Variants in KLHL26 observed in about 807,000 individuals in gnomAD.
The protein encoded by KLHL26 is kelch like family member 26.
KLHL26 carries 4 observed loss-of-function variants against 7.1 expected under a neutral mutation model. The ratio of observed to expected loss-of-function variants is 0.56; its 90% confidence interval spans 0.28 to 1.28. The LOEUF is 1.28. KLHL26 is among the 50% of genes most tolerant of loss of function. The pLI, the probability that KLHL26 is intolerant of heterozygous loss-of-function variation, is 0.11. For missense variants in KLHL26, 896 were observed against 924.6 expected (o/e 0.97, Z 0.40); for synonymous variants, 465 against 414.1 (o/e 1.12, Z -1.49).
At position 18,650,038 on chromosome 19, in the gene KLHL26, G is replaced by A. The variant is rs1001821051; in HGVS notation, c.83+12901G>A. 6.6e-6 allele frequency among the ~76,000 whole-genome samples: 1 copy of A among 152,224 alleles called. No homozygotes were observed. The highest frequency in any genetic ancestry group is 2.1e-4 in the South Asian group (1 of 4,836). On this transcript the variant is annotated intron_variant, in intron 1 of 2. Coordinates refer to ENST00000300976, the MANE Select transcript of KLHL26 (RefSeq NM_018316.3). The surrounding 1 kb of genome is among the most constrained non-coding windows in gnomAD (Gnocchi z 4.2). ...CTTTCCTGCGAGGGCAAGGGCTTCC[G>A]GAATTGAACAGGCTGGGCCTGGAGG...
intron 2 of KLHL26, 143 bp downstream of exon 2, chr19:18,664,586 C>CT (rs796201839): frequency 0.095 from 42,544 of 447,236 alleles, 2 homozygotes; most frequent in East Asian, 0.12. Flanking sequence ...ACCGGCTGCT[C>CT]TTTTTTTTTT....
At chr19:18,652,205 G>A (rs1427288413) in intron 1 of KLHL26, among the ~76,000 whole-genome samples, 1 of 152,100 alleles carries the variant, frequency 6.6e-6, no homozygotes, top group African/African-American at 2.4e-5. Context: ...CCCACTGAGG[G>A]CTTCGCGGTG....
chr19:18,646,982 G>A lies in KLHL26; in HGVS notation c.83+9845G>A, dbSNP rs1009242585. ...GGGGGCAGGGGCGGCGGGGGGTGGC[G>A]CGTCTCAGCAGGGATGGGGGCAGGT... is the stretch of plus-strand genomic sequence containing the variant. On this transcript the variant is annotated intron_variant, in intron 1 of 2. Transcript: ENST00000300976. This position sits in a 1 kb window ranked among gnomAD's most constrained non-coding sequence, Gnocchi z 5.0. Among the ~76,000 whole-genome samples, 19 of 151,730 alleles carry A rather than the reference G, an allele frequency of 1.3e-4. No homozygotes were observed. Among genetic ancestry groups the A allele is most frequent in the Admixed American group, 1.1e-3 (17 of 15,276 alleles).
At position 18,668,357 on chromosome 19, in the gene KLHL26, C is replaced by T. The variant is rs754258314; in HGVS notation, c.960C>T (p.Thr320=). The T allele has an allele frequency of 1.4e-5, 23 of 1,607,538 alleles. No individual in the cohort carries two copies. The East Asian group carries it at 2.0e-4, about 14-fold the overall frequency. ...SLVTFGGTPY[T]DSDRSVSSKV... ...TCACCTTCGGCGGCACGCCCTACAC[C>T]GACAGCGACCGCTCGGTCAGCAGCA... The change falls in exon 3 of 3, where the codon ACC becomes ACT. Residue 320 remains threonine, a synonymous_variant. Coordinates refer to ENST00000300976, the MANE Select transcript of KLHL26 (RefSeq NM_018316.3).
rs895500638 is a variant in KLHL26 at position 18,649,936 on chromosome 19, G to A, written c.83+12799G>A. 2.0e-5 allele frequency among the ~76,000 whole-genome samples: 3 copies of A among 152,228 alleles called. No individual in the cohort carries two copies. Among genetic ancestry groups the A allele is most frequent in the African/African-American group, 7.2e-5 (3 of 41,450 alleles). On this transcript the variant is annotated intron_variant, in intron 1 of 2. Transcript: ENST00000300976. The surrounding 1 kb of genome is among the most constrained non-coding windows in gnomAD (Gnocchi z 4.0). ...GCGCAGCGGAGTGCCTGATCGCTCT[G>A]TGTGCACCACCACGGTGCACACTGA... is the stretch of plus-strand genomic sequence containing the variant.
chr19:18,639,848 G>C (rs923146885), intron 1 of KLHL26, among the ~76,000 whole-genome samples: 1 of 151,906 alleles, frequency 6.6e-6, no homozygotes, highest in Non-Finnish European at 1.5e-5. Flanking sequence ...TACAGCCCCG[G>C]GGACATCCTG....
In KLHL26 at chr19:18,647,782, G is replaced by A. The variant is rs191142041; in HGVS notation, c.83+10645G>A. 3.0e-4 allele frequency among the ~76,000 whole-genome samples: 46 copies of A among 152,282 alleles called. No homozygotes were observed. The East Asian group carries it at 6.2e-3, about 20-fold the overall frequency. On this transcript the variant is annotated intron_variant, in intron 1 of 2. Transcript: ENST00000300976. ...GAAGAAGGGGGTGGGATCTACTGAA[G>A]GCAAGGGGTGACTGGGCAGCATGTG...
intron 2 of KLHL26, 71 bp from the exon 3 acceptor site, chr19:18,667,593 C>A (rs745338156): frequency 1.3e-6 from 2 of 1,553,416 alleles, no homozygotes; most frequent in Non-Finnish European, 1.7e-6. Flanking sequence ...GTTCCCCAGG[C>A]CAGATCATTC....
rs1600688540 is a variant in KLHL26 at position 18,648,442 on chromosome 19, A to G, written c.83+11305A>G. 6.6e-6 allele frequency among the ~76,000 whole-genome samples: 1 copy of G among 152,144 alleles called. No homozygotes were observed. Among genetic ancestry groups the G allele is most frequent in the Non-Finnish European group, 1.5e-5 (1 of 68,020 alleles). ...TGGAGAGGCACACGCAGGCTTGGGG[A>G]TGCCTGGAGGTTGAGCTTGTGCTGA... On this transcript the variant is annotated intron_variant, in intron 1 of 2. Coordinates refer to ENST00000300976, the MANE Select transcript of KLHL26 (RefSeq NM_018316.3). This position sits in a 1 kb window ranked among gnomAD's most constrained non-coding sequence, Gnocchi z 4.9.
rs149507142 is a variant in KLHL26 at position 18,660,581 on chromosome 19, G to A, written c.84-3680G>A. ...ATGGGTCCTTCCCCTCCTCCCAGTG[G>A]CCGGCTGGAGAGGACCTTAGTCATC... is the stretch of plus-strand genomic sequence containing the variant. On this transcript the variant is annotated intron_variant, in intron 1 of 2. Transcript: ENST00000300976. Among the ~76,000 whole-genome samples the A allele has an allele frequency of 4.0e-3, 608 of 152,340 alleles. 4 individuals carry two copies. Among genetic ancestry groups the A allele is most frequent in the African/African-American group, 0.014 (581 of 41,574 alleles).
At chr19:18,643,477 CTTATTA>C (rs1387914914) in intron 1 of KLHL26, among the ~76,000 whole-genome samples, 1 of 151,372 alleles carries the variant, frequency 6.6e-6, no homozygotes, top group Non-Finnish European at 1.5e-5. Context: ...GAGATGGGGT[CTTATTA>C]TTATTTTTTT....
At chr19:18,638,935 A>G (rs1172764681) in intron 1 of KLHL26, among the ~76,000 whole-genome samples, 1 of 152,108 alleles carries the variant, frequency 6.6e-6, no homozygotes, top group South Asian at 2.1e-4. Context: ...CTTGGGCTCA[A>G]GCAATCTTCT....
At chr19:18,664,124 T>C (rs2052419705) in intron 1 of KLHL26, 137 bp from the exon 2 acceptor site, 2 of 514,898 alleles carry the variant, frequency 3.9e-6, no homozygotes, top group African/African-American at 2.1e-5. Context: ...GATTTGCCTG[T>C]TCTGGGCATT....
At position 18,667,653 on chromosome 19, in the gene KLHL26, C is replaced by A; in HGVS notation, c.267-11C>A. ...CCACTGCCAGCCACACGTTGTGTTT[C>A]TGCCCTTCAGGGCCATGTTCACCGG... On this transcript the variant is annotated splice_polypyrimidine_tract_variant and intron_variant, in intron 2 of 2. Coordinates refer to ENST00000300976, the MANE Select transcript of KLHL26 (RefSeq NM_018316.3). 6.2e-7 allele frequency: 1 copy of A among 1,603,142 alleles called. No homozygotes were observed. The highest frequency in any genetic ancestry group is 8.5e-7 in the Non-Finnish European group (1 of 1,174,042).
intron 1 of KLHL26, among the ~76,000 whole-genome samples, chr19:18,643,853 C>T (rs1264930543): frequency 6.6e-6 from 1 of 152,108 alleles, no homozygotes; most frequent in African/African-American, 2.4e-5. Context: ...CATAGCCTCC[C>T]GAAGTGCTGG....
chr19:18,642,338 A>AGTGTGTGTGTGTGTGTGTGT lies in KLHL26; in HGVS notation c.83+5226_83+5245dup, dbSNP rs1204260630. ...CCCAGGACACTTTTGCTAGTCACCT[A>AGTGTGTGTGTGTGTGTGTGT]GTGTGTGTGTGTGTGTGTGTGTGTG... On this transcript the variant is annotated intron_variant, in intron 1 of 2. Transcript: ENST00000300976. 2.0e-4 allele frequency among the ~76,000 whole-genome samples: 25 copies of AGTGTGTGTGTGTGTGTGTGT among 123,886 alleles called. No individual in the cohort carries two copies. In the East Asian group the frequency reaches 2.2e-3, roughly 11 times the overall value. The allele number at this position is 123,886 out of a possible 152,430, so 81.3% of individuals were successfully genotyped here. A position where few individuals can be genotyped will look rare whatever the true frequency, so the allele number is the denominator to read the frequency against.
intron 2 of KLHL26, 146 bp downstream of exon 2, chr19:18,664,589 T>C (rs2052427677): frequency 5.4e-6 from 3 of 556,070 alleles, no homozygotes; most frequent in African/African-American, 1.9e-5. Flanking sequence ...GGCTGCTCTT[T>C]TTTTTTTTTT....
At position 18,668,522 on chromosome 19, in the gene KLHL26, CG is replaced by C. The variant is rs1263136193; in HGVS notation, c.1127del (p.Gly376AlafsTer15). On this transcript the variant is annotated frameshift_variant, in exon 3 of 3. Transcript: ENST00000300976. LOFTEE classifies it low-confidence loss of function (END_TRUNC). Reference protein sequence around the residue: ...AGGQHLQYRSGEGAVDACYRY... With the variant: ...AGGQHLQYRSXEGAVDACYRY... ...GGGGGCAGCACCTGCAGTACCGCAG[CG>C]GCGAGGGCGCAGTGGACGCCTGCTA... 2 of 1,598,554 alleles carry C rather than the reference CG, an allele frequency of 1.3e-6. No individual in the cohort carries two copies. Among genetic ancestry groups the C allele is most frequent in the East Asian group, 2.2e-5 (1 of 44,692 alleles).
rs1310700255 is a variant in KLHL26, at chr19:18,650,787, G to GCC, written c.84-13473_84-13472insCC. Among the ~76,000 whole-genome samples, 1 of 152,346 alleles carries GCC rather than the reference G, an allele frequency of 6.6e-6. No individual in the cohort carries two copies. Among genetic ancestry groups the GCC allele is most frequent in the East Asian group, 1.9e-4 (1 of 5,180 alleles). On this transcript the variant is annotated intron_variant, in intron 1 of 2. Transcript: ENST00000300976. The surrounding 1 kb of genome is among the most constrained non-coding windows in gnomAD (Gnocchi z 4.2). ...TTGCTGACCTTTTCTGGGAGTCGTG[G>GCC]CGGACGGAGTGGAGCCGTCTGTCTC...
Sources: gnomAD v4.1 joint callset for allele counts (sites outside exome capture counted in the v4.1 genomes callset) on GRCh38, gnomAD v4.1.1 for gene constraint, Gnocchi (gnomAD v3.1) non-coding constraint, MANE v1.5 for transcripts, NCBI Gene and HGNC (gene_info 2026-07-23, HGNC 2026-07-21) for gene names.